Variants in SSH2 observed in about 807,000 individuals in gnomAD.
The protein encoded by SSH2 is slingshot protein phosphatase 2, also known as protein phosphatase Slingshot homolog 2.
In SSH2, 37 loss-of-function variants were observed where a neutral mutation model predicts 135.2. The observed-to-expected ratio is 0.27, with a 90% CI of 0.21 to 0.36. The LOEUF (loss-of-function observed/expected upper bound fraction) is 0.36, where lower values mean the gene tolerates loss of function less well. Ranked by LOEUF, SSH2 falls within the 10% of genes least tolerant of loss-of-function variation. The probability of loss-of-function intolerance (pLI) is 1.00; values close to 1 mark genes in which losing one functional copy is unlikely to be tolerated. For synonymous variants in SSH2, 628 were observed against 646.2 expected (o/e 0.97, Z 0.43); for missense variants, 1,408 against 1,765.3 (o/e 0.80, Z 3.63).
chr17:29,856,937 T>C (rs2065672835), intron 1 of SSH2, among the ~76,000 whole-genome samples: 1 of 152,192 alleles, frequency 6.6e-6, no homozygotes, highest in Admixed American at 6.5e-5. Context: ...AATTTACCCA[T>C]GATTCAATTA....
rs775080679 is a variant in SSH2, at chr17:29,648,256, C to T, written c.1315G>A (p.Gly439Ser). 1 of 1,614,186 alleles carries T rather than the reference C, an allele frequency of 6.2e-7. No homozygotes were observed. The highest frequency in any genetic ancestry group is 8.5e-7 in the Non-Finnish European group (1 of 1,180,048). Residue 439 changes from glycine to serine, a missense_variant, in exon 14 of 16, where the codon GGC (glycine) becomes AGC (serine). Around this residue, in one of 3 missense-constraint regions of SSH2, gnomAD observed 106 missense variants for 265.2 expected, o/e 0.40. Transcript: ENST00000540801. ...TCATAGGCTCGGTCCAGATTCCAGC[C>T]ATATTCCTTCATTGCATAGGCAATC... ...TVIAYAMKEYGWNLDRAYDYV... is the reference protein window; with the variant it reads ...TVIAYAMKEYSWNLDRAYDYV...
In SSH2 at chr17:29,688,451, C is replaced by A. The variant is rs140526969; in HGVS notation, c.358-3767G>T. Among the ~76,000 whole-genome samples, 691 of 152,258 alleles carry A rather than the reference C, an allele frequency of 4.5e-3. 8 individuals carry two copies. Among genetic ancestry groups the A allele is most frequent in the African/African-American group, 0.016 (653 of 41,552 alleles). On this transcript the variant is annotated intron_variant, in intron 5 of 15. Coordinates refer to ENST00000540801, the MANE Select transcript of SSH2 (RefSeq NM_001282129.2). Reference sequence around the variant, plus strand: ...TTAATACTGACTTAGGCTTGAATAACATGCATATCTCAGATCCATTCAATT... The same window carrying A: ...TTAATACTGACTTAGGCTTGAATAAAATGCATATCTCAGATCCATTCAATT...
chr17:29,741,217 A>G (rs1418449438), intron 3 of SSH2, among the ~76,000 whole-genome samples: 2 of 152,242 alleles, frequency 1.3e-5, no homozygotes, highest in Admixed American at 1.3e-4. Flanking sequence ...TTTCAGAAGC[A>G]TTAGAAATAT....
intron 3 of SSH2, among the ~76,000 whole-genome samples, chr17:29,703,930 C>A (rs1456495206): frequency 6.6e-6 from 1 of 152,184 alleles, no homozygotes; most frequent in Non-Finnish European, 1.5e-5. Flanking sequence ...AGAGCGCAGG[C>A]TCTGAAACCA....
intron 3 of SSH2, among the ~76,000 whole-genome samples, chr17:29,732,250 G>A (rs2040222449): frequency 6.6e-6 from 1 of 152,122 alleles, no homozygotes; most frequent in Admixed American, 6.5e-5. Flanking sequence ...GCAAAAGTTT[G>A]CAGAAGCATT....
At chr17:29,744,024 T>C (rs2040667260) in intron 3 of SSH2, among the ~76,000 whole-genome samples, 1 of 149,466 alleles carries the variant, frequency 6.7e-6, no homozygotes, top group South Asian at 2.1e-4. Context: ...TGACAGTTGA[T>C]AAAATAGTCT....
chr17:29,742,313 GTTC>G (rs767531860), intron 3 of SSH2, among the ~76,000 whole-genome samples: 27 of 145,580 alleles, frequency 1.9e-4, no homozygotes, highest in East Asian at 1.0e-3. Context: ...CCCAGGGCAA[GTTC>G]TTCTTTTTTT....
At chr17:29,860,646 A>C (rs1314384850) in intron 1 of SSH2, among the ~76,000 whole-genome samples, 2 of 151,596 alleles carry the variant, frequency 1.3e-5, no homozygotes, top group East Asian at 3.9e-4. Flanking sequence ...TGGCCAGGCT[A>C]GTCATGAACT....
intron 14 of SSH2, among the ~76,000 whole-genome samples, chr17:29,638,551 C>CAG (rs2036014912): frequency 6.7e-6 from 1 of 148,808 alleles, no homozygotes; most frequent in Admixed American, 6.7e-5. Flanking sequence ...CACACACACA[C>CAG]ACACACACAC....
chr17:29,651,394 C>T (rs543846895), intron 12 of SSH2, among the ~76,000 whole-genome samples: 1 of 152,350 alleles, frequency 6.6e-6, no homozygotes, highest in East Asian at 1.9e-4. Context: ...CTCCCTTAAA[C>T]TCATTTGACT....
intron 2 of SSH2, among the ~76,000 whole-genome samples, chr17:29,830,689 A>G (rs2042829516): frequency 6.6e-6 from 1 of 152,212 alleles, no homozygotes; most frequent in African/African-American, 2.4e-5. Flanking sequence ...AGTGAAAGGT[A>G]ATAATATACA....
chr17:29,719,115 ACTCT>A (rs2039729426), intron 3 of SSH2, among the ~76,000 whole-genome samples: 4 of 152,180 alleles, frequency 2.6e-5, no homozygotes, highest in African/African-American at 9.6e-5. Context: ...AGCTGCCACA[ACTCT>A]CTGACTCTCT....
chr17:29,898,439 A>T (rs2066485100), intron 1 of SSH2, among the ~76,000 whole-genome samples: 1 of 152,178 alleles, frequency 6.6e-6, no homozygotes, highest in South Asian at 2.1e-4. Context: ...AAAAAATGAT[A>T]AAGGGGATAT....
At chr17:29,847,155 A>G (rs985688584) in intron 2 of SSH2, among the ~76,000 whole-genome samples, 7 of 152,276 alleles carry the variant, frequency 4.6e-5, no homozygotes, top group Non-Finnish European at 7.4e-5. Flanking sequence ...AATAGGGGGG[A>G]AAAATTCCAA....
intron 11 of SSH2, among the ~76,000 whole-genome samples, chr17:29,659,578 C>T (rs2036934451): frequency 6.6e-6 from 1 of 152,204 alleles, no homozygotes; most frequent in South Asian, 2.1e-4. Context: ...GGCTGGAGTG[C>T]AGTGGCACCA....
At chr17:29,673,432 C>T (rs1197173503) in intron 8 of SSH2, among the ~76,000 whole-genome samples, 5 of 151,932 alleles carry the variant, frequency 3.3e-5, no homozygotes, top group East Asian at 3.9e-4. Flanking sequence ...TAGCTGGGAA[C>T]GGTGGCACAT....
At position 29,636,387 on chromosome 17, in the gene SSH2, T is replaced by C. The variant is rs1205253863; in HGVS notation, c.1843A>G (p.Lys615Glu). ...QPGHVPEMANKFPDLTVEDLE... is the reference protein window; with the variant it reads ...QPGHVPEMANEFPDLTVEDLE... ...TCTTCCACTGTTAAGTCTGGAAACT[T>C]GTTGGCCATTTCTGGGACATGTCCA... The change falls in exon 15 of 16, where the codon AAG (lysine) becomes GAG (glutamate). Residue 615 changes from lysine to glutamate, a missense_variant. By Grantham distance (56) the Lys-to-Glu change is moderately conservative. Transcript: ENST00000540801. 6.2e-7 allele frequency: 1 copy of C among 1,614,156 alleles called. No individual in the cohort carries two copies. The highest frequency in any genetic ancestry group is 8.5e-7 in the Non-Finnish European group (1 of 1,180,002).
intron 4 of SSH2, 62 bp downstream of exon 4, chr17:29,702,897 C>A: frequency 7.8e-7 from 1 of 1,276,538 alleles, no homozygotes; most frequent in Non-Finnish European, 1.1e-6. Flanking sequence ...GGTAGTCAAC[C>A]TTTTAGAATG....
chr17:29,705,557 G>C (rs2039164700), intron 3 of SSH2, among the ~76,000 whole-genome samples: 1 of 151,980 alleles, frequency 6.6e-6, no homozygotes, highest in Admixed American at 6.6e-5. Flanking sequence ...AAAAAACATC[G>C]ATTGTACAGT....
Sources: allele counts gnomAD v4.1 joint callset (sites outside exome capture counted in the v4.1 genomes callset), GRCh38; gene constraint gnomAD v4.1.1; regional missense constraint gnomAD v4.1.1; transcripts MANE v1.5; gene names NCBI Gene and HGNC (gene_info 2026-07-23, HGNC 2026-07-21).